The following PKP4 variants were observed in gnomAD, a reference collection of about 807,000 sequenced individuals.
The protein encoded by PKP4 is plakophilin-4.
A neutral mutation model predicts 145.1 loss-of-function variants in PKP4; 90 were observed. That is an observed-to-expected ratio of 0.62 (90% confidence interval 0.52 to 0.74). The LOEUF (loss-of-function observed/expected upper bound fraction) is 0.74. Among genes scored for constraint, PKP4 ranks in the 30% least tolerant of loss-of-function variants. The pLI is 0.00. For synonymous variants in PKP4, 563 were observed against 577.2 expected (o/e 0.98, Z 0.35); for missense variants, 1,340 against 1,482.7 (o/e 0.90, Z 1.58).
chr2:158,577,984 A>G (rs1334096791), intron 3 of PKP4, among the ~76,000 whole-genome samples: 1 of 152,196 alleles, frequency 6.6e-6, no homozygotes, highest in Non-Finnish European at 1.5e-5. Flanking sequence ...TGTTCCGAAT[A>G]GTTAAATCAC....
intron 1 of PKP4, among the ~76,000 whole-genome samples, chr2:158,495,833 CTAAATAAATAAATAAATAAA>C (rs144207416): frequency 0.018 from 2,571 of 143,912 alleles, 28 homozygotes; most frequent in Non-Finnish European, 0.028. Flanking sequence ...GACTCTGTCT[CTAAATAAATAAATAAATAAA>C]TAAATAAATA....
chr2:158,626,421 A>T (rs2052791662), intron 7 of PKP4, among the ~76,000 whole-genome samples: 1 of 152,128 alleles, frequency 6.6e-6, no homozygotes, highest in South Asian at 2.1e-4. Context: ...TTTCCTCCTA[A>T]TGGACAGTTA....
rs2105906948 is a variant in PKP4, at chr2:158,628,390, A to G, written c.1153+2963A>G. Reference sequence around the variant, plus strand: ...CACATATTCATTTTACTTAATCTACAGAGGCTATTTACTGTAATTTTTTAA... The same window carrying G: ...CACATATTCATTTTACTTAATCTACGGAGGCTATTTACTGTAATTTTTTAA... On this transcript the variant is annotated intron_variant, in intron 7 of 21. Transcript: ENST00000389759. Among the ~76,000 whole-genome samples, 3 of 152,290 alleles carry G rather than the reference A, an allele frequency of 2.0e-5. No individual in the cohort carries two copies. In the Middle Eastern group the frequency reaches 0.01, roughly 518 times the overall value.
chr2:158,644,569 A>T (rs1222246372), intron 11 of PKP4, among the ~76,000 whole-genome samples: 3 of 47,924 alleles, frequency 6.3e-5, no homozygotes, highest in Non-Finnish European at 1.4e-4. Flanking sequence ...AAATAAGCAC[A>T]GTAGAATACA....
intron 1 of PKP4, among the ~76,000 whole-genome samples, chr2:158,489,436 A>G (rs979654121): frequency 7.2e-5 from 11 of 152,188 alleles, no homozygotes; most frequent in African/African-American, 2.7e-4. Flanking sequence ...GAAGAAAATG[A>G]TTGGCTGCTT....
At chr2:158,655,147 A>T (rs935981140) in intron 11 of PKP4, among the ~76,000 whole-genome samples, 2 of 152,236 alleles carry the variant, frequency 1.3e-5, no homozygotes, top group Non-Finnish European at 2.9e-5. Context: ...GTAAAGCCAC[A>T]GTAAATGGTG....
At chr2:158,600,183 C>G (rs764346471) in intron 3 of PKP4, among the ~76,000 whole-genome samples, 8 of 152,204 alleles carry the variant, frequency 5.3e-5, no homozygotes, top group Admixed American at 1.3e-4. Context: ...TCTGACTGGA[C>G]AGCCCCAAGG....
chr2:158,624,792 A>T, intron 6 of PKP4, 86 bp from the exon 7 acceptor site: 1 of 999,580 alleles, frequency 1.0e-6, no homozygotes, highest in Non-Finnish European at 1.5e-6. Flanking sequence ...CACATTCTGT[A>T]GTGAGCTATG....
chr2:158,658,091 G>A, intron 11 of PKP4, 40 bp from the exon 12 acceptor site: 1 of 1,121,444 alleles, frequency 8.9e-7, no homozygotes, highest in Non-Finnish European at 1.3e-6. Context: ...TAAAGCCACA[G>A]GATCTCTATT....
intron 6 of PKP4, 82 bp downstream of exon 6, chr2:158,621,503 T>G (rs1055331381): frequency 2.0e-5 from 25 of 1,226,956 alleles, no homozygotes; most frequent in Non-Finnish European, 2.8e-5. Context: ...CCCAGCATTT[T>G]GGGAGGCCGA....
chr2:158,539,301 C>A (rs1040977403), intron 2 of PKP4, among the ~76,000 whole-genome samples: 11 of 152,096 alleles, frequency 7.2e-5, no homozygotes, highest in Non-Finnish European at 1.2e-4. Context: ...AATTACACAC[C>A]CTTCCTGTAT....
chr2:158,619,986 C>G (rs2052045819), intron 4 of PKP4, among the ~76,000 whole-genome samples: 1 of 151,838 alleles, frequency 6.6e-6, no homozygotes, highest in Admixed American at 6.6e-5. Context: ...CTGCATAGGG[C>G]CTGGCATGTA....
At chr2:158,543,080 T>C (rs72934804) in intron 2 of PKP4, among the ~76,000 whole-genome samples, 1,671 of 152,328 alleles carry the variant, frequency 0.011, 20 homozygotes, top group Admixed American at 0.018. Context: ...TCAATTTCTT[T>C]GTGCCATGAG....
intron 3 of PKP4, among the ~76,000 whole-genome samples, chr2:158,582,035 A>C (rs1035846521): frequency 1.3e-5 from 2 of 152,246 alleles, no homozygotes; most frequent in Non-Finnish European, 2.9e-5. Context: ...ATGATATATC[A>C]GACCAGAAAT....
intron 1 of PKP4, among the ~76,000 whole-genome samples, chr2:158,485,310 G>A (rs979916942): frequency 1.3e-5 from 2 of 152,168 alleles, no homozygotes; most frequent in Non-Finnish European, 2.9e-5. Context: ...ATTATTATTA[G>A]CCCTGTTTTA....
chr2:158,626,024 G>A (rs566960159), intron 7 of PKP4, among the ~76,000 whole-genome samples: 12 of 152,138 alleles, frequency 7.9e-5, no homozygotes, highest in Admixed American at 5.2e-4. Flanking sequence ...AGGGTTTTTC[G>A]TGGAGGGTTT....
intron 2 of PKP4, among the ~76,000 whole-genome samples, chr2:158,554,438 T>A (rs1398021867): frequency 6.6e-5 from 10 of 151,054 alleles, no homozygotes; most frequent in African/African-American, 2.4e-4. Flanking sequence ...TATTTTTTTT[T>A]TTTTTGAGAC....
intron 2 of PKP4, among the ~76,000 whole-genome samples, chr2:158,567,409 G>A (rs2047079095): frequency 6.6e-6 from 1 of 152,258 alleles, no homozygotes. Flanking sequence ...AGACTATACA[G>A]AAGGTCTTAA....
chr2:158,459,842 A>T (rs879382208), intron 1 of PKP4, among the ~76,000 whole-genome samples: 6 of 152,110 alleles, frequency 3.9e-5, no homozygotes, highest in Non-Finnish European at 8.8e-5. Flanking sequence ...GGCTGTGCAG[A>T]TAGTTTTGCC....
Sources: allele counts gnomAD v4.1 joint callset (sites outside exome capture counted in the v4.1 genomes callset), GRCh38; gene constraint gnomAD v4.1.1; transcripts MANE v1.5; gene names NCBI Gene and HGNC (gene_info 2026-07-23, HGNC 2026-07-21).